Variants in DDAH1 observed in about 807,000 individuals in gnomAD.
DDAH1 encodes the protein dimethylarginine dimethylaminohydrolase 1.
DDAH1 carries 19 observed loss-of-function variants against 28.8 expected under a neutral mutation model. The observed-to-expected ratio is 0.66, with a 90% CI of 0.46 to 0.97. The LOEUF is 0.97. DDAH1 is among the 50% of genes least tolerant of loss of function. The probability of loss-of-function intolerance (pLI) is 0.00; values close to 1 mark genes in which losing one functional copy is unlikely to be tolerated. For missense variants in DDAH1, 326 were observed against 375.9 expected, an observed-to-expected ratio of 0.87 and a Z score of 1.10; for synonymous variants, 153 against 154.4, an observed-to-expected ratio of 0.99 and a Z score of 0.07.
chr1:85,422,950 T>C (rs1260495566), intron 1 of DDAH1, among the ~76,000 whole-genome samples: 1 of 152,208 alleles, frequency 6.6e-6, no homozygotes, highest in Non-Finnish European at 1.5e-5. Flanking sequence ...TCTCAAGATG[T>C]CCAGCCTCCA....
At chr1:85,426,465 G>T (rs1653397770) in intron 1 of DDAH1, among the ~76,000 whole-genome samples, 1 of 152,142 alleles carries the variant, frequency 6.6e-6, no homozygotes. Flanking sequence ...TTAATTTATG[G>T]CCTAAGCAAT....
At chr1:85,541,059 CT>C (rs1258655339) in intron 1 of DDAH1, among the ~76,000 whole-genome samples, 1 of 150,744 alleles carries the variant, frequency 6.6e-6, no homozygotes, top group African/African-American at 2.4e-5. Context: ...TGGTTTTTCT[CT>C]ATTATTCATT....
At chr1:85,513,946 G>A (rs184150916) in intron 1 of DDAH1, among the ~76,000 whole-genome samples, 13 of 152,172 alleles carry the variant, frequency 8.5e-5, no homozygotes, top group Admixed American at 3.3e-4. Flanking sequence ...ACAGTGTGGC[G>A]ATTCCTCAAG....
chr1:85,325,006 C>A, intron 4 of DDAH1, 123 bp from the exon 5 acceptor site: 1 of 1,124,892 alleles, frequency 8.9e-7, no homozygotes, highest in South Asian at 1.9e-5. Context: ...TGTTCAAATT[C>A]CCATCTATTA....
intron 1 of DDAH1, among the ~76,000 whole-genome samples, chr1:85,499,766 C>G (rs1656728642): frequency 6.6e-6 from 1 of 152,152 alleles, no homozygotes; most frequent in African/African-American, 2.4e-5. Context: ...GGACCAGATC[C>G]CAGATTTCCT....
At chr1:85,345,520 T>A (rs767294880) in intron 4 of DDAH1, among the ~76,000 whole-genome samples, 3 of 152,186 alleles carry the variant, frequency 2.0e-5, no homozygotes, top group African/African-American at 4.8e-5. Context: ...CTTTGCCATA[T>A]GGATGGTAAA....
chr1:85,485,964 T>G (rs763633201), intron 2 of DDAH1, among the ~76,000 whole-genome samples: 1 of 152,180 alleles, frequency 6.6e-6, no homozygotes, highest in Non-Finnish European at 1.5e-5. Context: ...AAGTGAACTA[T>G]TTTGGCTAGA....
At chr1:85,536,496 T>A (rs1352378330) in intron 1 of DDAH1, among the ~76,000 whole-genome samples, 3 of 152,240 alleles carry the variant, frequency 2.0e-5, no homozygotes, top group African/African-American at 7.2e-5. Flanking sequence ...AAGGTTGCAG[T>A]GAGCCGAGAT....
At chr1:85,435,354 A>C (rs993351456) in intron 1 of DDAH1, 2 of 152,238 alleles carry the variant, frequency 1.3e-5, no homozygotes, top group Non-Finnish European at 2.9e-5. Flanking sequence ...TAATAAGGCA[A>C]ATAACATGAT....
At chr1:85,390,460 A>G (rs1041994629) in intron 1 of DDAH1, among the ~76,000 whole-genome samples, 1 of 152,176 alleles carries the variant, frequency 6.6e-6, no homozygotes. Flanking sequence ...CATGTCACCT[A>G]CTGACCTCCA....
At chr1:85,391,875 G>A (rs546208851) in intron 1 of DDAH1, among the ~76,000 whole-genome samples, 1 of 152,324 alleles carries the variant, frequency 6.6e-6, no homozygotes, top group African/African-American at 2.4e-5. Flanking sequence ...TAAACAGGCT[G>A]TCTACCCTCT....
chr1:85,403,866 A>G (rs879219207), intron 1 of DDAH1, among the ~76,000 whole-genome samples: 1 of 152,226 alleles, frequency 6.6e-6, no homozygotes, highest in South Asian at 2.1e-4. Context: ...TAGAAAAATA[A>G]TTCAATGGGT....
intron 1 of DDAH1, among the ~76,000 whole-genome samples, chr1:85,411,881 G>C (rs796966263): frequency 9.8e-5 from 15 of 152,314 alleles, no homozygotes; most frequent in African/African-American, 3.6e-4. Context: ...CCTCAGCACT[G>C]TGGAGGTCAA....
chr1:85,536,283 G>A (rs372822275), intron 1 of DDAH1, among the ~76,000 whole-genome samples: 7 of 151,942 alleles, frequency 4.6e-5, no homozygotes, highest in African/African-American at 1.7e-4. Context: ...TGCTGGGTGC[G>A]GTGGCTCACA....
intron 4 of DDAH1, among the ~76,000 whole-genome samples, chr1:85,328,259 G>A (rs574042396): frequency 6.6e-6 from 1 of 152,240 alleles, no homozygotes; most frequent in East Asian, 1.9e-4. Context: ...GCACCTAAGG[G>A]CATTCACAGA....
intron 2 of DDAH1, chr1:85,482,596 A>G (rs568343766): frequency 6.6e-6 from 1 of 152,310 alleles, no homozygotes; most frequent in East Asian, 1.9e-4. Context: ...TCCATCCCAG[A>G]CCCAATAAAT....
At chr1:85,343,935 A>G (rs1338585483) in intron 4 of DDAH1, among the ~76,000 whole-genome samples, 2 of 152,258 alleles carry the variant, frequency 1.3e-5, no homozygotes, top group Non-Finnish European at 2.9e-5. Flanking sequence ...ATTCAAAAGA[A>G]AAACAGGCTG....
intron 1 of DDAH1, among the ~76,000 whole-genome samples, chr1:85,540,921 C>T (rs1658452789): frequency 7.2e-6 from 1 of 138,346 alleles, no homozygotes; most frequent in Non-Finnish European, 1.5e-5. Context: ...GATCGTGCTA[C>T]TGCACTCCAG....
At chr1:85,494,836 A>C (rs897162099) in intron 2 of DDAH1, 1 of 152,286 alleles carries the variant, frequency 6.6e-6, no homozygotes, top group African/African-American at 2.4e-5. Context: ...GGCAGGCAGA[A>C]TCATATCTTT....
Sources: allele counts gnomAD v4.1 joint callset (sites outside exome capture counted in the v4.1 genomes callset), GRCh38; gene constraint gnomAD v4.1.1; transcripts MANE v1.5; gene names NCBI Gene and HGNC (gene_info 2026-07-23, HGNC 2026-07-21).